The following PAK5 variants were observed in gnomAD, a reference collection of about 807,000 sequenced individuals.
PAK5 encodes the protein serine/threonine-protein kinase PAK 5.
Under a neutral mutation model 65.9 loss-of-function variants are expected in PAK5, and 16 were observed. That is an observed-to-expected ratio of 0.24 (90% CI 0.16 to 0.37). The LOEUF is 0.37. Ranked by LOEUF, PAK5 falls within the 10% of genes least tolerant of loss-of-function variation. The probability of loss-of-function intolerance (pLI) is 1.00; values close to 1 mark genes in which losing one functional copy is unlikely to be tolerated. For missense variants in PAK5, 785 were observed against 903.9 expected (o/e 0.87, Z 1.69); for synonymous variants, 371 against 354.9 (o/e 1.05, Z -0.51).
In PAK5 at chr20:9,719,631, T is replaced by C. The variant is rs139149198; in HGVS notation, c.-161-8196A>G. Among the ~76,000 whole-genome samples, 176 of 152,266 alleles carry C rather than the reference T, an allele frequency of 1.2e-3. 2 individuals are homozygous for C. The highest frequency in any genetic ancestry group is 3.8e-3 in the African/African-American group (156 of 41,538). On this transcript the variant is annotated intron_variant, in intron 1 of 9. Transcript: ENST00000353224. ...CCAAGTGAACAATTATGTTTAGATA[T>C]ATTGATTTTCTGCTCCAATAGAAAA...
intron 1 of PAK5, among the ~76,000 whole-genome samples, chr20:9,715,048 G>T (rs28628727): frequency 6.2e-4 from 95 of 152,100 alleles, no homozygotes; most frequent in African/African-American, 2.2e-3. Context: ...GACAAATGGG[G>T]TCTAATTAAA....
Position 9,579,900 on chromosome 20 carries a change from C to T in PAK5, c.990+245G>A, listed in dbSNP as rs551959245. 7.9e-5 allele frequency among the ~76,000 whole-genome samples: 12 copies of T among 152,266 alleles called. 1 individual carries two copies. In the South Asian group the frequency reaches 8.3e-4, roughly 11 times the overall value. The stretch of plus-strand genomic sequence containing the variant: ...TATCTTTCAAATCAATAAGTTTATT[C>T]GCCTTTTAATGAGAAACCACGTAGG... On this transcript the variant is annotated intron_variant, in intron 4 of 9. Coordinates refer to ENST00000353224, the MANE Select transcript of PAK5 (RefSeq NM_177990.4).
At chr20:9,696,538 T>C (rs1210432810) in intron 2 of PAK5, among the ~76,000 whole-genome samples, 1 of 152,140 alleles carries the variant, frequency 6.6e-6, no homozygotes, top group Non-Finnish European at 1.5e-5. Flanking sequence ...GGACTGCCCA[T>C]GGCACGACAA....
At chr20:9,748,793 A>C (rs535485129) in intron 1 of PAK5, among the ~76,000 whole-genome samples, 4 of 152,300 alleles carry the variant, frequency 2.6e-5, no homozygotes, top group Non-Finnish European at 5.9e-5. Context: ...CTAATTCATT[A>C]GCCATTAGCC....
At chr20:9,765,947 G>T (rs1243649723) in intron 1 of PAK5, among the ~76,000 whole-genome samples, 1 of 152,102 alleles carries the variant, frequency 6.6e-6, no homozygotes, top group Admixed American at 6.6e-5. Context: ...GAATGGGCTG[G>T]GCGTGGTGGC....
chr20:9,707,081 T>A (rs187282588), intron 2 of PAK5, among the ~76,000 whole-genome samples: 1 of 152,314 alleles, frequency 6.6e-6, no homozygotes, highest in East Asian at 1.9e-4. Flanking sequence ...TATATTCCTA[T>A]GTCTTTAAAT....
intron 2 of PAK5, among the ~76,000 whole-genome samples, chr20:9,664,604 T>C (rs1231769092): frequency 6.6e-6 from 1 of 152,210 alleles, no homozygotes; most frequent in Admixed American, 6.5e-5. Flanking sequence ...TTCGTTTTTA[T>C]AAAATAACCA....
At chr20:9,836,735 A>G (rs1186876027) in intron 1 of PAK5, among the ~76,000 whole-genome samples, 1 of 152,190 alleles carries the variant, frequency 6.6e-6, no homozygotes, top group Non-Finnish European at 1.5e-5. Context: ...TATATAGGGC[A>G]CATAGCATAG....
In PAK5 at chr20:9,748,099, G is replaced by T. The variant is rs1158891889; in HGVS notation, c.-161-36664C>A. Among the ~76,000 whole-genome samples, 1,235 of 152,104 alleles carry T rather than the reference G, an allele frequency of 8.1e-3. 3 individuals are homozygous for T. Among genetic ancestry groups the T allele is most frequent in the Non-Finnish European group, 0.013 (858 of 67,976 alleles). On this transcript the variant is annotated intron_variant, in intron 1 of 9. Transcript: ENST00000353224. The stretch of plus-strand genomic sequence containing the variant: ...CTCCCATTCACAATTGCTTCAAAGA[G>T]AATAAAATACCTAGGAATCCAACTT...
At chr20:9,638,340 T>G (rs2047007671) in intron 3 of PAK5, among the ~76,000 whole-genome samples, 1 of 152,262 alleles carries the variant, frequency 6.6e-6, no homozygotes, top group Admixed American at 6.5e-5. Flanking sequence ...CAGGTTATCT[T>G]GGCTAGCCCT....
rs1177380468 is a variant in PAK5 at position 9,833,498 on chromosome 20, C to T, written c.-162+5264G>A. ...CCTCATCCCACCACCTTCATGTATT[C>T]GTCTCCACCATCAAACTTCCCCCCA... On this transcript the variant is annotated intron_variant, in intron 1 of 9. Transcript: ENST00000353224. 3.5e-5 allele frequency among the ~76,000 whole-genome samples: 5 copies of T among 141,772 alleles called. No homozygotes were observed. In the Admixed American group the frequency reaches 4.0e-4, roughly 11 times the overall value. 93.0% of individuals were successfully genotyped at this position (141,772 alleles called of 152,430 possible).
At chr20:9,797,597 T>G (rs138179913) in intron 1 of PAK5, among the ~76,000 whole-genome samples, 19 of 151,036 alleles carry the variant, frequency 1.3e-4, no homozygotes, top group Non-Finnish European at 2.5e-4. Flanking sequence ...TATGCATAGG[T>G]AACAAACTTG....
intron 3 of PAK5, among the ~76,000 whole-genome samples, chr20:9,608,331 A>C (rs1219507744): frequency 6.6e-6 from 1 of 152,232 alleles, no homozygotes; most frequent in African/African-American, 2.4e-5. Flanking sequence ...TTTATATGGT[A>C]CTTGTAACTT....
chr20:9,771,105 A>G (rs1430072636), intron 1 of PAK5, among the ~76,000 whole-genome samples: 1 of 152,202 alleles, frequency 6.6e-6, no homozygotes, highest in Non-Finnish European at 1.5e-5. Flanking sequence ...CAATCTTCAT[A>G]AAACTTGTGG....
intron 6 of PAK5, among the ~76,000 whole-genome samples, chr20:9,560,421 G>A (rs181290316): frequency 2.2e-4 from 34 of 152,226 alleles, no homozygotes; most frequent in Admixed American, 5.9e-4. Context: ...GTGTAACGGC[G>A]CAATCAGAGC....
intron 1 of PAK5, among the ~76,000 whole-genome samples, chr20:9,726,860 A>G (rs973755259): frequency 6.6e-6 from 1 of 152,164 alleles, no homozygotes; most frequent in African/African-American, 2.4e-5. Context: ...ACCAAAAAGG[A>G]TGATCAACTA....
At chr20:9,644,780 TC>T (rs1202319452) in intron 2 of PAK5, among the ~76,000 whole-genome samples, 1 of 152,146 alleles carries the variant, frequency 6.6e-6, no homozygotes, top group Non-Finnish European at 1.5e-5. Flanking sequence ...AAGCCCAACC[TC>T]CAGTCTGAAG....
At chr20:9,705,600 A>G (rs998249680) in intron 2 of PAK5, among the ~76,000 whole-genome samples, 3 of 152,104 alleles carry the variant, frequency 2.0e-5, no homozygotes, top group African/African-American at 4.8e-5. Context: ...AGCACCAAAA[A>G]TCTTGCATCC....
chr20:9,639,260 G>C (rs1043753231), intron 3 of PAK5, among the ~76,000 whole-genome samples: 4 of 152,052 alleles, frequency 2.6e-5, no homozygotes, highest in African/African-American at 9.7e-5. Context: ...TTTACTTATT[G>C]TAAGAGTCTG....
Sources: gnomAD v4.1 joint callset for allele counts (sites outside exome capture counted in the v4.1 genomes callset) on GRCh38, gnomAD v4.1.1 for gene constraint, MANE v1.5 for transcripts, NCBI Gene and HGNC (gene_info 2026-07-23, HGNC 2026-07-21) for gene names.